BAG6: variants seen among roughly 807,000 people sequenced by gnomAD.
The protein encoded by BAG6 is large proline-rich protein BAG6.
Under a neutral mutation model 121.0 loss-of-function variants are expected in BAG6, and 22 were observed. The observed-to-expected ratio is 0.18, with a 90% CI of 0.13 to 0.26. The LOEUF is 0.26. Ranked by LOEUF, BAG6 falls within the 10% of genes least tolerant of loss-of-function variation. The pLI, the probability that BAG6 is intolerant of heterozygous loss-of-function variation, is 1.00. For missense variants in BAG6, 1,233 were observed against 1,537.7 expected, an observed-to-expected ratio of 0.80 and a Z score of 3.31; for synonymous variants, 583 against 584.6, an observed-to-expected ratio of 1.00 and a Z score of 0.04.
rs1360036544 is a variant in BAG6 at position 31,642,406 on chromosome 6, G to A, written c.2044-3C>T. 1.0e-6 allele frequency: 1 copy of A among 996,554 alleles called. No homozygotes were observed. The highest frequency in any genetic ancestry group is 1.5e-6 in the Non-Finnish European group (1 of 676,086). The allele number at this position is 996,554 out of a possible 1,614,324, so 61.7% of individuals were successfully genotyped here. ...GGTGGAGGGGCTGTCTGTGTTGCCTGGCAAATAAAGAAAGAACAAAGAACA... is the reference window on the plus strand; with the variant it reads ...GGTGGAGGGGCTGTCTGTGTTGCCTAGCAAATAAAGAAAGAACAAAGAACA... On this transcript the variant is annotated splice_polypyrimidine_tract_variant and splice_region_variant and intron_variant, in intron 15 of 25. Transcript: ENST00000676615.
Position 31,640,121 on chromosome 6 carries a change from C to T in BAG6, c.3246+78G>A. The T allele has an allele frequency of 1.4e-6, 2 of 1,413,106 alleles. No individual in the cohort carries two copies. The highest frequency in any genetic ancestry group is 2.0e-6 in the Non-Finnish European group (2 of 1,007,842). 87.5% of individuals were successfully genotyped at this position (1,413,106 alleles called of 1,614,324 possible). A position where few individuals can be genotyped will look rare whatever the true frequency, so the allele number is the denominator to read the frequency against. On this transcript the variant is annotated intron_variant, in intron 24 of 25. Coordinates refer to ENST00000676615, the MANE Select transcript of BAG6 (RefSeq NM_001387994.1). The surrounding 1 kb of genome is among the most constrained non-coding windows in gnomAD (Gnocchi z 4.2). The stretch of plus-strand genomic sequence containing the variant: ...GAGACTGAATAACAAGAGCTCCCAC[C>T]ATCTCTACATAGTTTGATTCCAGGC...
Position 31,640,071 on chromosome 6 carries a change from G to T in BAG6, c.3246+128C>A, listed in dbSNP as rs984320417. 11 of 917,412 alleles carry T rather than the reference G, an allele frequency of 1.2e-5. No individual in the cohort carries two copies. The highest frequency in any genetic ancestry group is 7.8e-5 in the East Asian group (3 of 38,248). The allele number at this position is 917,412 out of a possible 1,614,324, so 56.8% of individuals were successfully genotyped here. On this transcript the variant is annotated intron_variant, in intron 24 of 25. Transcript: ENST00000676615. The surrounding 1 kb of genome is among the most constrained non-coding windows in gnomAD (Gnocchi z 4.2). ...AGAGCAAGTCTGAATCCCAGAAAAA[G>T]TTTCCTCATTAAACGAGGGGAGGGG...
At chr6:31,649,144 G>A in intron 4 of BAG6, 55 bp downstream of exon 4, 1 of 1,595,786 alleles carries the variant, frequency 6.3e-7, no homozygotes, top group Non-Finnish European at 8.6e-7. Flanking sequence ...ATTCCCTGGT[G>A]CTACCACAAC....
At chr6:31,647,944 G>A (rs891432512) in intron 6 of BAG6, 118 bp from the exon 7 acceptor site, 2 of 1,321,932 alleles carry the variant, frequency 1.5e-6, no homozygotes, top group Non-Finnish European at 2.0e-6. Context: ...GCATGGCTCT[G>A]CAATTTTATC....
Position 31,648,747 on chromosome 6 carries a change from T to A in BAG6, c.482A>T (p.Glu161Val). The change falls in exon 6 of 26, where the codon GAG (glutamate) becomes GTG (valine). Residue 161 changes from glutamate to valine, a missense_variant. Physicochemically the swap from Glu to Val is moderately radical, Grantham distance 121. Coordinates refer to ENST00000676615, the MANE Select transcript of BAG6 (RefSeq NM_001387994.1). ...INMEQAPIQS[E>V]PRVRLVMAQH... Reference sequence around the variant, plus strand: ...AGCCATCACCAGCCGTACCCGGGGCTCACTCTACAATGAGAGAAGGTTTAT... The same window carrying A: ...AGCCATCACCAGCCGTACCCGGGGCACACTCTACAATGAGAGAAGGTTTAT... 6.2e-7 allele frequency: 1 copy of A among 1,614,068 alleles called. No homozygotes were observed. Among genetic ancestry groups the A allele is most frequent in the Non-Finnish European group, 8.5e-7 (1 of 1,180,006 alleles).
chr6:31,639,651 G>GGGACA lies in BAG6; in HGVS notation c.3247-10_3247-6dup. On this transcript the variant is annotated splice_region_variant and splice_polypyrimidine_tract_variant and intron_variant, in intron 24 of 25. Coordinates refer to ENST00000676615, the MANE Select transcript of BAG6 (RefSeq NM_001387994.1). ...GGGGCCCTCACCCTGCATCGTCTGG[G>GGGACA]GGACAGGGGGTTGGGAGGGAAAAGA... is the stretch of plus-strand genomic sequence containing the variant. 1 of 1,604,094 alleles carries GGGACA rather than the reference G, an allele frequency of 6.2e-7. No homozygotes were observed. The highest frequency in any genetic ancestry group is 1.1e-5 in the South Asian group (1 of 90,340).
At chr6:31,648,816 A>T in intron 5 of BAG6, 65 bp from the exon 6 acceptor site, 1 of 1,602,422 alleles carries the variant, frequency 6.2e-7, no homozygotes, top group Admixed American at 1.7e-5. Context: ...CCACCTACTA[A>T]ATCAGGTCCC....
Position 31,644,055 on chromosome 6 carries a change from C to CA in BAG6, c.1668+26dup, listed in dbSNP as rs1785980284. 8 of 1,612,716 alleles carry CA rather than the reference C, an allele frequency of 5.0e-6. No homozygotes were observed. Among genetic ancestry groups the CA allele is most frequent in the Non-Finnish European group, 6.8e-6 (8 of 1,179,088 alleles). ...AGGAGTCTCTCCCTAGACTGTTACG[C>CA]ACTAGAACTCCCCGACCCTTGCTCA... On this transcript the variant is annotated intron_variant, in intron 13 of 25. Coordinates refer to ENST00000676615, the MANE Select transcript of BAG6 (RefSeq NM_001387994.1). This position sits in a 1 kb window ranked among gnomAD's most constrained non-coding sequence, Gnocchi z 4.9.
At chr6:31,647,513 C>G in intron 7 of BAG6, 78 bp downstream of exon 7, 1 of 1,581,908 alleles carries the variant, frequency 6.3e-7, no homozygotes, top group Non-Finnish European at 8.6e-7. Flanking sequence ...CCTTTCCCTC[C>G]CTTGCCATGG....
At chr6:31,645,736 A>C in intron 8 of BAG6, 132 bp from the exon 9 acceptor site, 3 of 1,049,766 alleles carry the variant, frequency 2.9e-6, no homozygotes, top group Non-Finnish European at 4.2e-6. Flanking sequence ...GGAAGTTTAC[A>C]TGTAGACCAA....
Position 31,640,837 on chromosome 6 carries a change from A to G in BAG6, c.2889T>C (p.Pro963=). The change falls in exon 21 of 26, where the codon CCT becomes CCC. Residue 963 remains proline (P), a synonymous_variant. Coordinates refer to ENST00000676615, the MANE Select transcript of BAG6 (RefSeq NM_001387994.1). This position sits in a 1 kb window ranked among gnomAD's most constrained non-coding sequence, Gnocchi z 4.2. The part of the protein sequence containing the change: ...QVVLEHMPVG[P]DAILRYVRRV... ...TGCGAACGTATCTGAGAATGGCATC[A>G]GGGCCTACAGGCATGTGCTCCAGTA... 1.9e-6 allele frequency: 3 copies of G among 1,612,734 alleles called. No individual in the cohort carries two copies. Among genetic ancestry groups the G allele is most frequent in the Non-Finnish European group, 1.7e-6 (2 of 1,180,022 alleles).
Position 31,646,441 on chromosome 6 carries a change from A to T in BAG6, c.871T>A (p.Tyr291Asn), listed in dbSNP as rs140100295. The change falls in exon 8 of 26, where the codon TAC becomes AAC. Residue 291 changes from tyrosine (Y) to asparagine (N), a missense_variant. Physicochemically the swap from Tyr to Asn is moderately radical, Grantham distance 143. This residue lies in a region of BAG6 where 777 missense variants were observed against 861.4 expected (regional missense o/e 0.90). Transcript: ENST00000676615. The stretch of plus-strand genomic sequence containing the variant: ...GCAGCAGCACCCAGAACCTCGTAGT[A>T]GCGCTGCAAGAAGGGCTGGAGGCGA... ...ESRLQPFLQR[Y>N]YEVLGAAATT... The T allele has an allele frequency of 6.2e-7, 1 of 1,613,006 alleles. No individual in the cohort carries two copies. The highest frequency in any genetic ancestry group is 8.5e-7 in the Non-Finnish European group (1 of 1,180,024).
In BAG6 at chr6:31,644,697, C is replaced by T; in HGVS notation, c.1370-95G>A. On this transcript the variant is annotated intron_variant, in intron 10 of 25. Transcript: ENST00000676615. The surrounding 1 kb of genome is among the most constrained non-coding windows in gnomAD (Gnocchi z 4.9). ...TCAGGCATACTTCAGGCCCATAATC[C>T]CCCAATCAGAAAGCCTGCCTTTCCC... is the stretch of plus-strand genomic sequence containing the variant. 1 of 1,378,762 alleles carries T rather than the reference C, an allele frequency of 7.3e-7. No individual in the cohort carries two copies. The highest frequency in any genetic ancestry group is 2.3e-5 in the East Asian group (1 of 42,582). 85.4% of individuals were successfully genotyped at this position (1,378,762 alleles called of 1,614,324 possible).
chr6:31,643,417 A>G (rs1784923710), intron 14 of BAG6, among the ~76,000 whole-genome samples: 1 of 146,644 alleles, frequency 6.8e-6, no homozygotes, highest in Non-Finnish European at 1.5e-5. Flanking sequence ...AAGACTCTGT[A>G]ACTTAAAAAA....
At position 31,639,910 on chromosome 6, in the gene BAG6, T is replaced by C. The variant is rs899260323; in HGVS notation, c.3247-264A>G. 3 of 615,880 alleles carry C rather than the reference T, an allele frequency of 4.9e-6. No homozygotes were observed. In the African/African-American group the frequency reaches 5.5e-5, roughly 11 times the overall value. The allele number at this position is 615,880 out of a possible 1,614,324, so 38.2% of individuals were successfully genotyped here. A position where few individuals can be genotyped will look rare whatever the true frequency, so the allele number is the denominator to read the frequency against. On this transcript the variant is annotated intron_variant, in intron 24 of 25. Coordinates refer to ENST00000676615, the MANE Select transcript of BAG6 (RefSeq NM_001387994.1). Reference sequence around the variant, plus strand: ...GGTCAAGCCATCCGGGATTCAGAGCTAGGTAATCCACAAGAGGAAACCCAC... The same window carrying C: ...GGTCAAGCCATCCGGGATTCAGAGCCAGGTAATCCACAAGAGGAAACCCAC...
rs529494874 is a variant in BAG6, at chr6:31,641,762, T to A, written c.2505+14A>T. ...CAAAAGAGGAGAGTTCTGGGGCCCCTGGCCTTCATTTACCCGGATGTTACT... is the reference window on the plus strand; with the variant it reads ...CAAAAGAGGAGAGTTCTGGGGCCCCAGGCCTTCATTTACCCGGATGTTACT... On this transcript the variant is annotated intron_variant, in intron 17 of 25. Coordinates refer to ENST00000676615, the MANE Select transcript of BAG6 (RefSeq NM_001387994.1). This position sits in a 1 kb window ranked among gnomAD's most constrained non-coding sequence, Gnocchi z 5.7. The A allele has an allele frequency of 6.2e-7, 1 of 1,612,726 alleles. No homozygotes were observed. The highest frequency in any genetic ancestry group is 2.2e-5 in the East Asian group (1 of 44,860).
chr6:31,647,472 GCTAAC>G, intron 7 of BAG6, 114 bp downstream of exon 7: 1 of 1,482,314 alleles, frequency 6.7e-7, no homozygotes, highest in South Asian at 1.2e-5. Context: ...GCCCCTCAAT[GCTAAC>G]CCTTCAACTA....
intron 2 of BAG6, among the ~76,000 whole-genome samples, chr6:31,650,321 A>T (rs1365134921): frequency 1.3e-5 from 2 of 152,142 alleles, no homozygotes; most frequent in Admixed American, 6.5e-5. Context: ...ATGGCAAAGA[A>T]GATGGGGTCT....
rs1783417201 is a variant in BAG6, at chr6:31,642,098, T to C, written c.2335+14A>G. 1 of 1,608,586 alleles carries C rather than the reference T, an allele frequency of 6.2e-7. No homozygotes were observed. Among genetic ancestry groups the C allele is most frequent in the Non-Finnish European group, 8.5e-7 (1 of 1,176,664 alleles). On this transcript the variant is annotated intron_variant, in intron 16 of 25. Coordinates refer to ENST00000676615, the MANE Select transcript of BAG6 (RefSeq NM_001387994.1). ...CCCCTTCCTGGAGCAAGCCAAAGCA[T>C]CCTTTTTGCTCACCAAGGGCCCCAT...
Sources: gnomAD v4.1 joint callset for allele counts (sites outside exome capture counted in the v4.1 genomes callset) on GRCh38, gnomAD v4.1.1 for gene constraint, gnomAD v4.1.1 regional missense constraint, Gnocchi (gnomAD v3.1) non-coding constraint, MANE v1.5 for transcripts, NCBI Gene and HGNC (gene_info 2026-07-23, HGNC 2026-07-21) for gene names.